Variants in SH3BP5 observed in about 807,000 individuals in gnomAD.
The protein encoded by SH3BP5 is SH3 domain-binding protein 5.
SH3BP5 carries 22 observed loss-of-function variants against 43.3 expected under a neutral mutation model. The observed-to-expected ratio is 0.51, with a 90% CI of 0.36 to 0.73. SH3BP5 has a LOEUF of 0.73. Ranked by LOEUF, SH3BP5 falls within the 30% of genes least tolerant of loss-of-function variation. The pLI, the probability that SH3BP5 is intolerant of heterozygous loss-of-function variation, is 0.00. For synonymous variants in SH3BP5, 255 were observed against 225.8 expected (o/e 1.13, Z -1.16); for missense variants, 529 against 586.9 (o/e 0.90, Z 1.02).
chr3:15,320,640 A>ACACACACACCCC (rs373879792), intron 2 of SH3BP5, among the ~76,000 whole-genome samples: 157 of 149,668 alleles, frequency 1.0e-3, no homozygotes, highest in African/African-American at 3.6e-3. Context: ...ACACACACAC[A>ACACACACACCCC]CCCCACTACG....
chr3:15,326,144 G>C (rs1005147592), intron 2 of SH3BP5, among the ~76,000 whole-genome samples: 7 of 152,176 alleles, frequency 4.6e-5, no homozygotes, highest in Non-Finnish European at 1.0e-4. Flanking sequence ...AGCTTGAAAA[G>C]GTTGGCTTTT....
At chr3:15,294,447 C>T (rs1387480630) in intron 3 of SH3BP5, among the ~76,000 whole-genome samples, 1 of 152,070 alleles carries the variant, frequency 6.6e-6, no homozygotes, top group African/African-American at 2.4e-5. Context: ...TCCTTTCTTC[C>T]TCCCTTCCAT....
At chr3:15,271,004 A>AG (rs1696782361) in intron 3 of SH3BP5, among the ~76,000 whole-genome samples, 1 of 151,814 alleles carries the variant, frequency 6.6e-6, no homozygotes, top group Admixed American at 6.6e-5. Flanking sequence ...CAAAAAAAAA[A>AG]GAATGTTAAA....
rs112788991 is a variant in SH3BP5, at chr3:15,332,307, C to G, written c.102G>C (p.Gly34=). The change falls in exon 1 of 9, where the codon GGG becomes GGC. Residue 34 remains glycine (G), a synonymous_variant. Coordinates refer to ENST00000383791, the MANE Select transcript of SH3BP5 (RefSeq NM_004844.5). ...GATCCACCTCTTCTTCCTCCTCCAG[C>G]CCCTGCTCCATCCCCTCTTCCTCCT... ...EEEEEEGMEQ[G]LEEEEEVDPR... 83 of 1,547,992 alleles carry G rather than the reference C, an allele frequency of 5.4e-5. No homozygotes were observed. The African/African-American group carries it at 7.9e-4, about 15-fold the overall frequency.
At chr3:15,267,647 G>A (rs1207897288) in intron 4 of SH3BP5, among the ~76,000 whole-genome samples, 2 of 152,164 alleles carry the variant, frequency 1.3e-5, no homozygotes, top group East Asian at 1.9e-4. Flanking sequence ...GACCTCAGGA[G>A]TACAGGGCCA....
At chr3:15,282,093 TTC>T (rs1697148058) in intron 3 of SH3BP5, among the ~76,000 whole-genome samples, 2 of 152,130 alleles carry the variant, frequency 1.3e-5, no homozygotes, top group Admixed American at 6.5e-5. Context: ...TGAGGCCGTA[TTC>T]TGTGTCAAGA....
chr3:15,313,197 G>C (rs1698102881), intron 2 of SH3BP5, among the ~76,000 whole-genome samples: 2 of 152,230 alleles, frequency 1.3e-5, no homozygotes, highest in Admixed American at 1.3e-4. Context: ...GGAGGCAGAG[G>C]TTGCATAAGC....
At chr3:15,303,636 G>A (rs184973898) in intron 3 of SH3BP5, among the ~76,000 whole-genome samples, 8 of 151,914 alleles carry the variant, frequency 5.3e-5, no homozygotes, top group African/African-American at 9.7e-5. Flanking sequence ...CGATGGCCAC[G>A]GAAGTCAGAA....
At position 15,330,517 on chromosome 3, in the gene SH3BP5, TC is replaced by T; in HGVS notation, c.187del (p.Glu63ArgfsTer20). 1 of 1,613,256 alleles carries T rather than the reference TC, an allele frequency of 6.2e-7. No homozygotes were observed. The highest frequency in any genetic ancestry group is 8.5e-7 in the Non-Finnish European group (1 of 1,179,398). On this transcript the variant is annotated frameshift_variant, in exon 2 of 9. Coordinates refer to ENST00000383791, the MANE Select transcript of SH3BP5 (RefSeq NM_004844.5). LOFTEE classifies it high-confidence loss of function. ...AGCTCTCTGTACCTCAAGTTCAGTC[TC>T]CCGTCTGTTGATATCATCCGTGGAC... The part of the protein sequence containing the change: ...NQSTDDINRR[E>X]TELEDARQKF...
intron 2 of SH3BP5, among the ~76,000 whole-genome samples, chr3:15,309,973 TA>T (rs1698011504): frequency 7.4e-6 from 1 of 135,430 alleles, no homozygotes; most frequent in Non-Finnish European, 1.5e-5. Context: ...GCTACTTGGG[TA>T]ACAGTTCCCA....
chr3:15,332,501 C>G lies in SH3BP5; in HGVS notation c.-93G>C. On this transcript the variant is annotated 5_prime_UTR_variant, in exon 1 of 9. Transcript: ENST00000383791. ...CTGGGCTGGAGCCGCCTCGCCACAG[C>G]CGGGCACGGTCGGGGAGCCGCCGGG... The G allele has an allele frequency of 7.6e-7, 1 of 1,309,724 alleles. No homozygotes were observed. Among genetic ancestry groups the G allele is most frequent in the Middle Eastern group, 2.9e-4 (1 of 3,468 alleles). The allele number at this position is 1,309,724 out of a possible 1,614,324, so 81.1% of individuals were successfully genotyped here.
rs764254769 is a variant in SH3BP5 at position 15,269,683 on chromosome 3, C to T, written c.495+30G>A. ...AGCCAGCGCGCATGCACGCGCACAC[C>T]CCCACAGCACACCCGGCCATGACTC... On this transcript the variant is annotated intron_variant, in intron 4 of 8. Transcript: ENST00000383791. 5 of 1,532,772 alleles carry T rather than the reference C, an allele frequency of 3.3e-6. 1 individual carries two copies. In the South Asian group the frequency reaches 3.7e-5, roughly 11 times the overall value. The allele number at this position is 1,532,772 out of a possible 1,614,324, so 94.9% of individuals were successfully genotyped here.
At position 15,257,023 on chromosome 3, in the gene SH3BP5, C is replaced by G. The variant is rs982516112; in HGVS notation, c.980G>C (p.Gly327Ala). The change falls in exon 8 of 9, where the codon GGA (glycine) becomes GCA (alanine). Residue 327 changes from glycine (G) to alanine (A), a missense_variant. Around this residue, in one of 3 missense-constraint regions of SH3BP5, gnomAD observed 369 missense variants for 384.3 expected, o/e 0.96. Transcript: ENST00000383791. ...AGGCATCTCAGACGGGCTTGTTGGT[C>G]CTGAACTAAAGCTGGACACGGACTG... ...ETQSVSSFSS[G>A]PTSPSEMPDQ... The G allele has an allele frequency of 1.2e-6, 2 of 1,614,078 alleles. No homozygotes were observed. The highest frequency in any genetic ancestry group is 3.3e-5 in the Admixed American group (2 of 59,998).
At position 15,262,024 on chromosome 3, in the gene SH3BP5, G is replaced by T; in HGVS notation, c.626+135C>A. The stretch of plus-strand genomic sequence containing the variant: ...AGGGGGAAAGAGAGCCTGAGCAGGG[G>T]GGCTCTGGTGAGGCCCCAGGGTCTA... On this transcript the variant is annotated intron_variant, in intron 5 of 8. Coordinates refer to ENST00000383791, the MANE Select transcript of SH3BP5 (RefSeq NM_004844.5). The T allele has an allele frequency of 3.2e-6, 3 of 929,030 alleles. No homozygotes were observed. The East Asian group carries it at 7.4e-5, about 23-fold the overall frequency. The allele number at this position is 929,030 out of a possible 1,614,324, so 57.5% of individuals were successfully genotyped here. A position where few individuals can be genotyped will look rare whatever the true frequency, so the allele number is the denominator to read the frequency against.
At chr3:15,293,717 C>T (rs924769254) in intron 3 of SH3BP5, among the ~76,000 whole-genome samples, 9 of 152,188 alleles carry the variant, frequency 5.9e-5, no homozygotes, top group African/African-American at 2.2e-4. Flanking sequence ...CTCCTGTCCT[C>T]GCAAGGTCTG....
At chr3:15,287,444 A>T (rs1697296514) in intron 3 of SH3BP5, among the ~76,000 whole-genome samples, 1 of 152,148 alleles carries the variant, frequency 6.6e-6, no homozygotes, top group African/African-American at 2.4e-5. Context: ...CTTCATTTTA[A>T]TCCAGCAAAG....
intron 4 of SH3BP5, 50 bp from the exon 5 acceptor site, chr3:15,262,339 C>T: frequency 6.3e-7 from 1 of 1,593,806 alleles, no homozygotes; most frequent in South Asian, 1.1e-5. Context: ...ACAGCCCAGG[C>T]TTGGAATATT....
chr3:15,287,722 C>T (rs755286462), intron 3 of SH3BP5, among the ~76,000 whole-genome samples: 8 of 152,208 alleles, frequency 5.3e-5, no homozygotes, highest in Non-Finnish European at 1.2e-4. Flanking sequence ...CTGGATTACG[C>T]AATGATGCAA....
chr3:15,310,071 C>A (rs1415983600), intron 2 of SH3BP5, among the ~76,000 whole-genome samples: 1 of 152,150 alleles, frequency 6.6e-6, no homozygotes, highest in Non-Finnish European at 1.5e-5. Context: ...TCCTCACCCC[C>A]ACCTCTCAGT....
Sources: gnomAD v4.1 joint callset for allele counts (sites outside exome capture counted in the v4.1 genomes callset) on GRCh38, gnomAD v4.1.1 for gene constraint, gnomAD v4.1.1 regional missense constraint, MANE v1.5 for transcripts, NCBI Gene and HGNC (gene_info 2026-07-23, HGNC 2026-07-21) for gene names.